Variants in URI1 observed in about 807,000 individuals in gnomAD.
URI1 encodes unconventional prefoldin RPB5 interactor 1.
A neutral mutation model predicts 60.2 loss-of-function variants in URI1; 39 were observed. The ratio of observed to expected loss-of-function variants is 0.65; its 90% CI spans 0.50 to 0.85. The LOEUF is 0.85. URI1 is among the 40% of genes least tolerant of loss of function. The pLI, the probability that URI1 is intolerant of heterozygous loss-of-function variation, is 0.00. For synonymous variants in URI1, 251 were observed against 236.8 expected (o/e 1.06, Z -0.55); for missense variants, 691 against 665.9 (o/e 1.04, Z -0.42).
intron 1 of URI1, chr19:29,956,992 C>T (rs2055256937): frequency 3.8e-6 from 3 of 782,088 alleles, no homozygotes; most frequent in South Asian, 2.9e-5. Context: ...TCTTCATTCT[C>T]ACAGTAAACG....
chr19:29,956,654 C>T, intron 1 of URI1: 1 of 1,531,114 alleles, frequency 6.5e-7, no homozygotes, highest in Non-Finnish European at 9.0e-7. Context: ...TTTCGGATTT[C>T]AACAAGAGAC....
intron 2 of URI1, among the ~76,000 whole-genome samples, chr19:29,971,877 A>G (rs572872852): frequency 7.2e-5 from 11 of 152,174 alleles, no homozygotes; most frequent in Middle Eastern, 6.8e-3. Flanking sequence ...TCAAATTACA[A>G]TATATCCATG....
In URI1 at chr19:29,989,182, C is replaced by G. The variant is rs570190434; in HGVS notation, c.367+2765C>G. 4.2e-5 allele frequency among the ~76,000 whole-genome samples: 6 copies of G among 142,078 alleles called. No individual in the cohort carries two copies. The East Asian group carries it at 1.3e-3, about 30-fold the overall frequency. The allele number at this position is 142,078 out of a possible 152,430, so 93.2% of individuals were successfully genotyped here. On this transcript the variant is annotated intron_variant, in intron 4 of 10. Coordinates refer to ENST00000392271, the MANE Select transcript of URI1 (RefSeq NM_003796.3). ...CTGGAGTGCAGTGGGGCGATCTTGGCTCACTGCAACCTTAGCCTCCGAGGT... is the reference window on the plus strand; with the variant it reads ...CTGGAGTGCAGTGGGGCGATCTTGGGTCACTGCAACCTTAGCCTCCGAGGT...
At chr19:29,929,678 G>C (rs1402180195) in intron 1 of URI1, among the ~76,000 whole-genome samples, 1 of 152,094 alleles carries the variant, frequency 6.6e-6, no homozygotes, top group African/African-American at 2.4e-5. Context: ...TTGTGATTCA[G>C]ATTTGCATTT....
intron 1 of URI1, among the ~76,000 whole-genome samples, chr19:29,930,001 G>GTGATCTCAGCTCAC (rs2054903165): frequency 6.8e-6 from 1 of 147,514 alleles, no homozygotes; most frequent in Non-Finnish European, 1.5e-5. Context: ...GTGCAGTGGT[G>GTGATCTCAGCTCAC]TGATCTCAGC....
chr19:29,943,377 A>G (rs2055057711), intron 1 of URI1, among the ~76,000 whole-genome samples: 1 of 152,228 alleles, frequency 6.6e-6, no homozygotes, highest in Non-Finnish European at 1.5e-5. Flanking sequence ...TCCCAATTTA[A>G]GAAATAGTTT....
intron 4 of URI1, chr19:30,004,636 C>G (rs1049222047): frequency 5.3e-5 from 8 of 151,976 alleles, no homozygotes; most frequent in African/African-American, 1.9e-4. Context: ...GGATATTGTT[C>G]AGCATATAAT....
At chr19:29,960,311 C>G (rs575811140) in intron 1 of URI1, among the ~76,000 whole-genome samples, 1 of 152,084 alleles carries the variant, frequency 6.6e-6, no homozygotes, top group Non-Finnish European at 1.5e-5. Context: ...ATATGTTGTT[C>G]CAGTATTTTA....
At chr19:29,946,141 T>C (rs940600957) in intron 1 of URI1, among the ~76,000 whole-genome samples, 19 of 152,148 alleles carry the variant, frequency 1.2e-4, no homozygotes, top group African/African-American at 4.1e-4. Flanking sequence ...CAGATCATCC[T>C]TTTTTTGTCT....
At chr19:29,962,682 CTG>C (rs1188015151) in intron 1 of URI1, among the ~76,000 whole-genome samples, 1 of 149,252 alleles carries the variant, frequency 6.7e-6, no homozygotes, top group East Asian at 2.0e-4. Flanking sequence ...GTTGTTGTTG[CTG>C]TCTTTTTTTT....
chr19:29,996,107 T>C (rs1364940876), intron 4 of URI1, among the ~76,000 whole-genome samples: 1 of 152,112 alleles, frequency 6.6e-6, no homozygotes, highest in African/African-American at 2.4e-5. Context: ...TGAGACTCCA[T>C]GTGAATTTTA....
chr19:29,996,461 T>C (rs112428871), intron 4 of URI1, among the ~76,000 whole-genome samples: 2 of 150,934 alleles, frequency 1.3e-5, no homozygotes, highest in African/African-American at 4.9e-5. Flanking sequence ...TTTTTTTTAT[T>C]AGCTTTACAA....
rs760542711 is a variant in URI1, at chr19:30,012,359, G to A, written c.1253G>A (p.Ser418Asn). ...CTGAAGTCTCGAAGTAGAGAGAATA[G>A]TGTGTGTAGCGACACTAGTGAAAGC... The part of the protein sequence containing the change: ...SILKSRSREN[S>N]VCSDTSESSA... The change falls in exon 10 of 11, where the codon AGT (serine) becomes AAT (asparagine). Residue 418 changes from serine to asparagine, a missense_variant. Physicochemically the swap from Ser to Asn is conservative, Grantham distance 46. Coordinates refer to ENST00000392271, the MANE Select transcript of URI1 (RefSeq NM_003796.3). The A allele has an allele frequency of 1.9e-6, 3 of 1,614,208 alleles. No homozygotes were observed. Among genetic ancestry groups the A allele is most frequent in the Non-Finnish European group, 2.5e-6 (3 of 1,180,022 alleles).
At chr19:29,934,805 T>C (rs2054954782) in intron 1 of URI1, among the ~76,000 whole-genome samples, 2 of 6,274 alleles carry the variant, frequency 3.2e-4, no homozygotes, top group Admixed American at 2.3e-3. Context: ...ATCCACCTGC[T>C]TTGGCTTCCC....
At chr19:30,006,749 C>T (rs775621014) in intron 6 of URI1, among the ~76,000 whole-genome samples, 36 of 151,978 alleles carry the variant, frequency 2.4e-4, no homozygotes, top group Non-Finnish European at 4.1e-4. Context: ...CATTACTTTC[C>T]CATTACTTTG....
intron 1 of URI1, chr19:29,925,723 G>A (rs2054859610): frequency 6.6e-6 from 1 of 152,198 alleles, no homozygotes; most frequent in South Asian, 2.1e-4. Flanking sequence ...ACTGACTTAG[G>A]CTCTGCAGCT....
chr19:29,970,758 T>C (rs1023483864), intron 1 of URI1, among the ~76,000 whole-genome samples: 5 of 152,112 alleles, frequency 3.3e-5, no homozygotes, highest in African/African-American at 1.2e-4. Flanking sequence ...GGAGATATAC[T>C]GACAAAATAA....
At chr19:29,980,817 G>C (rs2055586863) in intron 2 of URI1, among the ~76,000 whole-genome samples, 1 of 150,842 alleles carries the variant, frequency 6.6e-6, no homozygotes, top group African/African-American at 2.4e-5. Context: ...AGCTACTCAG[G>C]AGGCTGAGGC....
intron 4 of URI1, among the ~76,000 whole-genome samples, chr19:29,988,056 T>G (rs2055694627): frequency 6.6e-6 from 1 of 151,534 alleles, no homozygotes; most frequent in Admixed American, 6.6e-5. Context: ...TAGTCCCAGC[T>G]ACTTGGGAGG....
Sources: allele counts gnomAD v4.1 joint callset (sites outside exome capture counted in the v4.1 genomes callset), GRCh38; gene constraint gnomAD v4.1.1; transcripts MANE v1.5; gene names NCBI Gene and HGNC (gene_info 2026-07-23, HGNC 2026-07-21).